Variants in SAMMSON observed in about 807,000 individuals in gnomAD.
SAMMSON encodes long intergenic non-protein coding RNA 1212.
At chr3:70,215,470 G>T (rs1701399935) in intron 4 of SAMMSON, among the ~76,000 whole-genome samples, 1 of 152,056 alleles carries the variant, frequency 6.6e-6, no homozygotes, top group East Asian at 1.9e-4. Context: ...TTTTATGTAG[G>T]TTCAAACCTA....
intron 4 of SAMMSON, among the ~76,000 whole-genome samples, chr3:70,214,103 AG>A (rs1434363574): frequency 6.6e-6 from 1 of 152,144 alleles, no homozygotes; most frequent in Non-Finnish European, 1.5e-5. Flanking sequence ...AATGGAAATA[AG>A]TAACTATGGA....
chr3:70,362,339 T>C (rs1023302160), intron 9 of SAMMSON, among the ~76,000 whole-genome samples: 1 of 152,142 alleles, frequency 6.6e-6, no homozygotes, highest in Non-Finnish European at 1.5e-5. Flanking sequence ...CAGGGATCAG[T>C]CTTTGGGAAA....
chr3:70,182,384 T>A (rs752565824), intron 4 of SAMMSON, among the ~76,000 whole-genome samples: 3 of 152,126 alleles, frequency 2.0e-5, no homozygotes, highest in Non-Finnish European at 4.4e-5. Context: ...CAGTCGTTTG[T>A]TTGAAACTGT....
intron 4 of SAMMSON, among the ~76,000 whole-genome samples, chr3:70,220,099 G>A (rs1258291356): frequency 6.6e-6 from 1 of 152,134 alleles, no homozygotes; most frequent in Non-Finnish European, 1.5e-5. Context: ...TGTTCCTGAA[G>A]CTGGCCTCAA....
At chr3:70,420,616 T>C (rs1241822017) in intron 2 of SAMMSON, among the ~76,000 whole-genome samples, 1 of 152,192 alleles carries the variant, frequency 6.6e-6, no homozygotes, top group African/African-American at 2.4e-5. Context: ...AATATTGTAG[T>C]TAACTTGCTT....
intron 4 of SAMMSON, among the ~76,000 whole-genome samples, chr3:70,200,977 G>C (rs1701231950): frequency 7.0e-6 from 1 of 142,026 alleles, no homozygotes; most frequent in Non-Finnish European, 1.5e-5. Flanking sequence ...GTGGGGGTGG[G>C]TGTTCATTTC....
At chr3:70,042,995 A>G (rs763297580) in intron 3 of SAMMSON, among the ~76,000 whole-genome samples, 8 of 152,152 alleles carry the variant, frequency 5.3e-5, no homozygotes, top group African/African-American at 1.9e-4. Flanking sequence ...GTGTATGTCC[A>G]CACACAATAA....
At chr3:70,061,938 A>C (rs1278614257) in intron 3 of SAMMSON, among the ~76,000 whole-genome samples, 2 of 152,050 alleles carry the variant, frequency 1.3e-5, no homozygotes, top group African/African-American at 2.4e-5. Context: ...CTATGTGTAA[A>C]CAAACCAGCT....
At chr3:70,420,132 A>G (rs560423632) in intron 2 of SAMMSON, among the ~76,000 whole-genome samples, 139 of 152,316 alleles carry the variant, frequency 9.1e-4, no homozygotes, top group African/African-American at 3.0e-3. Context: ...CTTGGATAGT[A>G]GAGGTGAATT....
intron 2 of SAMMSON, among the ~76,000 whole-genome samples, chr3:70,428,908 T>C (rs1701392084): frequency 6.6e-6 from 1 of 152,200 alleles, no homozygotes; most frequent in African/African-American, 2.4e-5. Flanking sequence ...GCTACAGTGA[T>C]GACTAGGTTA....
chr3:70,325,802 C>G (rs1256076945), intron 7 of SAMMSON, among the ~76,000 whole-genome samples: 1 of 152,108 alleles, frequency 6.6e-6, no homozygotes, highest in African/African-American at 2.4e-5. Context: ...TAAATCACAT[C>G]TCTGTTAGAA....
intron 9 of SAMMSON, among the ~76,000 whole-genome samples, chr3:70,385,493 T>C (rs1226417544): frequency 6.6e-6 from 1 of 152,030 alleles, no homozygotes; most frequent in African/African-American, 2.4e-5. Flanking sequence ...TCAATATAAA[T>C]TGAAATGTCG....
chr3:70,212,945 C>A (rs1701365480), intron 4 of SAMMSON, among the ~76,000 whole-genome samples: 1 of 151,882 alleles, frequency 6.6e-6, no homozygotes, highest in African/African-American at 2.4e-5. Context: ...AGGCGTGCAC[C>A]AACACAGCAA....
intron 4 of SAMMSON, among the ~76,000 whole-genome samples, chr3:70,162,052 T>C (rs1355758393): frequency 6.6e-6 from 1 of 151,850 alleles, no homozygotes; most frequent in Non-Finnish European, 1.5e-5. Flanking sequence ...AATTTTGCTT[T>C]TTCAATTTTG....
rs138582051 is a variant in SAMMSON at position 70,382,020 on chromosome 3, T to C, written n.914-7554T>C. On this transcript the variant is annotated intron_variant and non_coding_transcript_variant, in intron 9 of 9. Transcript: ENST00000642114. ...CATATTGTGATTATGTGGGAAAATG[T>C]CTTCACTTTTTGGGAATACATAGTG... 1.9e-3 allele frequency among the ~76,000 whole-genome samples: 295 copies of C among 152,284 alleles called. 1 individual carries two copies. Among genetic ancestry groups the C allele is most frequent in the African/African-American group, 6.6e-3 (274 of 41,562 alleles).
rs546630743 is a variant in SAMMSON, at chr3:70,001,910, A to T, written n.22+2043A>T. ...TGTTCTGCTCTCCAGGCTCCTGTCCATTCTGTGGATCAACTCATATTGCTC... is the reference window on the plus strand; with the variant it reads ...TGTTCTGCTCTCCAGGCTCCTGTCCTTTCTGTGGATCAACTCATATTGCTC... On this transcript the variant is annotated intron_variant and non_coding_transcript_variant, in intron 1 of 9. Transcript: ENST00000642114. Among the ~76,000 whole-genome samples, 173 of 152,332 alleles carry T rather than the reference A, an allele frequency of 1.1e-3. 1 individual carries two copies. Among genetic ancestry groups the T allele is most frequent in the African/African-American group, 4.0e-3 (166 of 41,580 alleles).
chr3:70,051,589 G>A (rs1464941943), intron 3 of SAMMSON, among the ~76,000 whole-genome samples: 1 of 151,248 alleles, frequency 6.6e-6, no homozygotes, highest in Non-Finnish European at 1.5e-5. Context: ...CACGAAGATG[G>A]GATCTATTTA....
rs1371380082 is a variant in SAMMSON, at chr3:70,190,461, C to A, written n.508-58646C>A. Among the ~76,000 whole-genome samples the A allele has an allele frequency of 2.0e-5, 3 of 152,302 alleles. No individual in the cohort carries two copies. The South Asian group carries it at 6.2e-4, about 32-fold the overall frequency. On this transcript the variant is annotated intron_variant and non_coding_transcript_variant, in intron 4 of 9. Transcript: ENST00000642114. ...AATTGAAAGCTCACTTCACAATCACCATCTTAGTCCAGGTCACTACTAGGT... is the reference window on the plus strand; with the variant it reads ...AATTGAAAGCTCACTTCACAATCACAATCTTAGTCCAGGTCACTACTAGGT...
chr3:70,102,361 G>A (rs540297641), intron 4 of SAMMSON, among the ~76,000 whole-genome samples: 27 of 152,150 alleles, frequency 1.8e-4, no homozygotes, highest in Admixed American at 1.5e-3. Flanking sequence ...CTTCAATTTG[G>A]CATCAAAAAA....
Sources: gnomAD v4.1 joint callset for allele counts (sites outside exome capture counted in the v4.1 genomes callset) on GRCh38, gnomAD v4.1.1 for gene constraint, MANE v1.5 for transcripts, NCBI Gene and HGNC (gene_info 2026-07-23, HGNC 2026-07-21) for gene names.